MEI4: variants seen among roughly 807,000 people sequenced by gnomAD.
MEI4 encodes meiosis-specific protein MEI4.
MEI4 carries 27 observed loss-of-function variants against 31.4 expected under a neutral mutation model. That is an observed-to-expected ratio of 0.86 (90% CI 0.63 to 1.19). MEI4 has a LOEUF of 1.19. Among genes scored for constraint, MEI4 ranks in the 50% most tolerant of loss-of-function variants. MEI4 has a pLI of 0.00. For missense variants in MEI4, 329 were observed against 398.9 expected (o/e 0.82, Z 1.49); for synonymous variants, 122 against 145.4 (o/e 0.84, Z 1.16).
chr6:77,673,950 T>C, intron 1 of MEI4, among the ~76,000 whole-genome samples: 1 of 152,330 alleles, frequency 6.6e-6, no homozygotes. Context: ...TCTGAAAACA[T>C]AATTTATTGC....
chr6:77,767,521 C>T (rs961414717), intron 3 of MEI4, among the ~76,000 whole-genome samples: 5 of 151,842 alleles, frequency 3.3e-5, no homozygotes, highest in Non-Finnish European at 7.4e-5. Flanking sequence ...ATGGTGAGAC[C>T]CTGTCTCTAC....
chr6:77,742,316 A>G (rs1444038350), intron 2 of MEI4, among the ~76,000 whole-genome samples: 1 of 151,708 alleles, frequency 6.6e-6, no homozygotes, highest in African/African-American at 2.4e-5. Context: ...TGCCATTCTA[A>G]CTGGTGTGAG....
At chr6:77,729,876 A>G (rs1484168819) in intron 2 of MEI4, among the ~76,000 whole-genome samples, 1 of 152,186 alleles carries the variant, frequency 6.6e-6, no homozygotes, top group Non-Finnish European at 1.5e-5. Context: ...CTGATTTTCA[A>G]TAAAGAAAGT....
rs1380698847 is a variant in MEI4 at position 77,923,414 on chromosome 6, A to AAAAG, written c.*70_*73dup. On this transcript the variant is annotated 3_prime_UTR_variant, in exon 5 of 5. Transcript: ENST00000684080. ...TAGAATATATGAAAATCTCATACTG[A>AAAAG]AAAGATTTTCAATAGTATTTTAATT... The AAAAG allele has an allele frequency of 6.9e-6, 8 of 1,154,062 alleles. No homozygotes were observed. The South Asian group carries it at 2.7e-4, about 39-fold the overall frequency. 71.5% of individuals were successfully genotyped at this position (1,154,062 alleles called of 1,614,324 possible).
At position 77,752,411 on chromosome 6, in the gene MEI4, A is replaced by G. The variant is rs188907657; in HGVS notation, c.233-8719A>G. ...CTTAAGCTGATAAGCAACTTCAGCAAAGTCTCAGGATACAAAATCAATGTG... is the reference window on the plus strand; with the variant it reads ...CTTAAGCTGATAAGCAACTTCAGCAGAGTCTCAGGATACAAAATCAATGTG... On this transcript the variant is annotated intron_variant, in intron 2 of 4. Coordinates refer to ENST00000684080, the MANE Select transcript of MEI4 (RefSeq NM_001322247.2). 4.9e-3 allele frequency among the ~76,000 whole-genome samples: 740 copies of G among 152,328 alleles called. 6 individuals carry two copies. Among genetic ancestry groups the G allele is most frequent in the African/African-American group, 0.017 (722 of 41,574 alleles).
intron 1 of MEI4, among the ~76,000 whole-genome samples, chr6:77,681,352 ATATAT>A (rs1418189798): frequency 1.3e-5 from 2 of 152,222 alleles, no homozygotes; most frequent in African/African-American, 2.4e-5. Context: ...TCTACGAACA[ATATAT>A]TATCTTTGTG....
chr6:77,672,473 A>G (rs997634249), intron 1 of MEI4, among the ~76,000 whole-genome samples: 2 of 152,254 alleles, frequency 1.3e-5, no homozygotes, highest in Admixed American at 1.3e-4. Context: ...ATAACAAAGC[A>G]TTGCAAATAT....
chr6:77,842,644 A>G (rs1441685044), intron 4 of MEI4, among the ~76,000 whole-genome samples: 1 of 152,106 alleles, frequency 6.6e-6, no homozygotes, highest in African/African-American at 2.4e-5. Flanking sequence ...GGTAATTTGT[A>G]TCTTTCCCTT....
intron 2 of MEI4, among the ~76,000 whole-genome samples, chr6:77,754,322 AG>A (rs1282849462): frequency 1.3e-5 from 2 of 152,204 alleles, no homozygotes; most frequent in Non-Finnish European, 2.9e-5. Flanking sequence ...TCTACGGCAG[AG>A]GCAAAATGCC....
chr6:77,922,185 A>G (rs780651422), intron 4 of MEI4, among the ~76,000 whole-genome samples: 1 of 151,722 alleles, frequency 6.6e-6, no homozygotes, highest in African/African-American at 2.4e-5. Flanking sequence ...ATGTTCTTTC[A>G]TTTTTGTATT....
intron 2 of MEI4, among the ~76,000 whole-genome samples, chr6:77,743,731 A>G (rs1282061996): frequency 6.6e-6 from 1 of 152,186 alleles, no homozygotes; most frequent in African/African-American, 2.4e-5. Context: ...GTAGGGGCAG[A>G]CTGACACCTC....
chr6:77,761,518 ATTT>A lies in MEI4; in HGVS notation c.623_625del (p.Phe208del). 8.1e-7 allele frequency: 1 copy of A among 1,232,050 alleles called. No individual in the cohort carries two copies. Among genetic ancestry groups the A allele is most frequent in the Non-Finnish European group, 1.0e-6 (1 of 987,902 alleles). 76.3% of individuals were successfully genotyped at this position (1,232,050 alleles called of 1,614,324 possible). A position where few individuals can be genotyped will look rare whatever the true frequency, so the allele number is the denominator to read the frequency against. On this transcript the variant is annotated inframe_deletion, in exon 3 of 5. Coordinates refer to ENST00000684080, the MANE Select transcript of MEI4 (RefSeq NM_001322247.2). ...GTAATCCCAAACTTCCTTTTTCAAG[ATTT>A]TGGACAGAAGCTGTTGGTACTTTAG...
chr6:77,775,088 C>CCAGAGCCATGTT (rs2127687882), intron 3 of MEI4, among the ~76,000 whole-genome samples: 1 of 152,242 alleles, frequency 6.6e-6, no homozygotes, highest in East Asian at 1.9e-4. Flanking sequence ...CTCTCTCTTA[C>CCAGAGCCATGTT]AAGAATATTT....
At chr6:77,739,896 TATTAA>T (rs1263428422) in intron 2 of MEI4, among the ~76,000 whole-genome samples, 4 of 152,292 alleles carry the variant, frequency 2.6e-5, no homozygotes, top group South Asian at 2.1e-4. Flanking sequence ...GATGTTAGGT[TATTAA>T]ATTGAGATCT....
At chr6:77,733,283 T>C (rs1428350126) in intron 2 of MEI4, among the ~76,000 whole-genome samples, 1 of 152,074 alleles carries the variant, frequency 6.6e-6, no homozygotes, top group South Asian at 2.1e-4. Flanking sequence ...GGTAAGCTAT[T>C]GATTACTGCC....
intron 3 of MEI4, among the ~76,000 whole-genome samples, chr6:77,787,890 T>A (rs961443494): frequency 6.6e-6 from 1 of 152,174 alleles, no homozygotes; most frequent in East Asian, 1.9e-4. Flanking sequence ...CTTTTTGATG[T>A]GCTGTTGGAT....
At chr6:77,768,567 G>A (rs557917592) in intron 3 of MEI4, among the ~76,000 whole-genome samples, 6 of 152,122 alleles carry the variant, frequency 3.9e-5, no homozygotes, top group Non-Finnish European at 8.8e-5. Flanking sequence ...AGACATGGTG[G>A]CATGCACCTG....
chr6:77,770,051 G>T (rs557346856), intron 3 of MEI4, among the ~76,000 whole-genome samples: 1 of 151,638 alleles, frequency 6.6e-6, no homozygotes, highest in African/African-American at 2.4e-5. Flanking sequence ...GAGAGCACCT[G>T]GGATAAACAA....
intron 3 of MEI4, among the ~76,000 whole-genome samples, chr6:77,778,465 C>T (rs1006478225): frequency 1.3e-5 from 2 of 152,006 alleles, no homozygotes; most frequent in African/African-American, 4.8e-5. Context: ...CTCTGGAAGG[C>T]CGAGGCAGGT....
Sources: allele counts gnomAD v4.1 joint callset (sites outside exome capture counted in the v4.1 genomes callset), GRCh38; gene constraint gnomAD v4.1.1; transcripts MANE v1.5; gene names NCBI Gene and HGNC (gene_info 2026-07-23, HGNC 2026-07-21).